The following MAPK8 variants were observed in gnomAD, a reference collection of about 807,000 sequenced individuals.
MAPK8 encodes JUN N-terminal kinase.
In MAPK8, 13 loss-of-function variants were observed where a neutral mutation model predicts 52.9. The ratio of observed to expected loss-of-function variants is 0.25; its 90% CI spans 0.16 to 0.39. The LOEUF (loss-of-function observed/expected upper bound fraction) is 0.39. Among genes scored for constraint, MAPK8 ranks in the 10% least tolerant of loss-of-function variants. MAPK8 has a pLI of 1.00. For synonymous variants in MAPK8, 191 were observed against 169.8 expected (o/e 1.12, Z -0.97); for missense variants, 300 against 519.2 (o/e 0.58, Z 4.10).
intron 6 of MAPK8, among the ~76,000 whole-genome samples, chr10:48,422,060 TCTCA>T (rs1302735307): frequency 6.8e-6 from 1 of 147,486 alleles, no homozygotes; most frequent in Non-Finnish European, 1.5e-5. Flanking sequence ...TGAGATGGAG[TCTCA>T]CTCTGTTGCC....
At chr10:48,426,282 A>T in intron 8 of MAPK8, 98 bp from the exon 9 acceptor site, 2 of 1,087,142 alleles carry the variant, frequency 1.8e-6, no homozygotes, top group Non-Finnish European at 2.6e-6. Flanking sequence ...TAATATTTTT[A>T]AAACATATGC....
chr10:48,403,087 A>G (rs761628971), intron 2 of MAPK8, among the ~76,000 whole-genome samples: 11 of 152,158 alleles, frequency 7.2e-5, no homozygotes, highest in Non-Finnish European at 1.5e-4. Context: ...ATAAATACCA[A>G]ACTTAGGATG....
intron 1 of MAPK8, among the ~76,000 whole-genome samples, chr10:48,366,786 T>C (rs1011942559): frequency 1.3e-5 from 2 of 152,180 alleles, no homozygotes; most frequent in Non-Finnish European, 2.9e-5. Context: ...TTGAAAAATT[T>C]TTTTTCTTTT....
chr10:48,415,524 C>T (rs1169871900), intron 5 of MAPK8, among the ~76,000 whole-genome samples: 1 of 152,206 alleles, frequency 6.6e-6, no homozygotes. Flanking sequence ...TTTGGCAGCA[C>T]ACAAGGCTCA....
intron 5 of MAPK8, among the ~76,000 whole-genome samples, chr10:48,418,564 C>T (rs2043186415): frequency 6.6e-6 from 1 of 152,152 alleles, no homozygotes; most frequent in South Asian, 2.1e-4. Flanking sequence ...CTCTTCTTTA[C>T]TTCCACTCAC....
chr10:48,396,378 A>G (rs1389527187), intron 1 of MAPK8, among the ~76,000 whole-genome samples: 1 of 152,206 alleles, frequency 6.6e-6, no homozygotes, highest in Non-Finnish European at 1.5e-5. Context: ...GGAAAATGCA[A>G]ATTTAAAGCC....
At chr10:48,336,076 C>T (rs1844653463) in intron 1 of MAPK8, among the ~76,000 whole-genome samples, 1 of 152,018 alleles carries the variant, frequency 6.6e-6, no homozygotes. Flanking sequence ...AAAACTCCAT[C>T]TGTATCAGGT....
At chr10:48,320,027 C>T (rs1181298878) in intron 1 of MAPK8, among the ~76,000 whole-genome samples, 2 of 151,688 alleles carry the variant, frequency 1.3e-5, no homozygotes, top group African/African-American at 4.8e-5. Flanking sequence ...AGTGATTCTC[C>T]TACCTCAGCC....
chr10:48,406,762 G>A (rs1237929864), intron 3 of MAPK8, among the ~76,000 whole-genome samples: 1 of 152,120 alleles, frequency 6.6e-6, no homozygotes, highest in African/African-American at 2.4e-5. Context: ...TTCATAGATG[G>A]TCTTGAGTTT....
At chr10:48,329,021 G>A (rs1287220099) in intron 1 of MAPK8, among the ~76,000 whole-genome samples, 3 of 152,126 alleles carry the variant, frequency 2.0e-5, no homozygotes, top group Non-Finnish European at 4.4e-5. Context: ...AATATTATGT[G>A]CCAACACTTA....
At chr10:48,368,817 TG>T (rs749438190) in intron 1 of MAPK8, among the ~76,000 whole-genome samples, 56 of 152,296 alleles carry the variant, frequency 3.7e-4, no homozygotes, top group Non-Finnish European at 5.6e-4. Context: ...GAACCAGACA[TG>T]GTTCAGTATC....
At chr10:48,376,053 G>A (rs2040641825) in intron 1 of MAPK8, among the ~76,000 whole-genome samples, 1 of 152,046 alleles carries the variant, frequency 6.6e-6, no homozygotes, top group African/African-American at 2.4e-5. Flanking sequence ...ATAGACCAAT[G>A]GAACAGAACA....
chr10:48,388,167 A>G (rs1487460812), intron 1 of MAPK8, among the ~76,000 whole-genome samples: 1 of 152,166 alleles, frequency 6.6e-6, no homozygotes, highest in Non-Finnish European at 1.5e-5. Context: ...TTTTGTTTTA[A>G]TAATAAACTC....
In MAPK8 at chr10:48,438,406, A is replaced by G. The variant is rs1264586852; in HGVS notation, c.*3377A>G. 2 of 152,258 alleles carry G rather than the reference A, an allele frequency of 1.3e-5. No homozygotes were observed. Among genetic ancestry groups the G allele is most frequent in the African/African-American group, 4.8e-5 (2 of 41,474 alleles). 9.4% of individuals were successfully genotyped at this position (152,258 alleles called of 1,614,324 possible). A position where few individuals can be genotyped will look rare whatever the true frequency, so the allele number is the denominator to read the frequency against. ...GAAGCAGAAATGTATAGTTTGGGGT[A>G]CGATTAGAAAACTCGTAAGGAAAAC... On this transcript the variant is annotated 3_prime_UTR_variant, in exon 12 of 12. Coordinates refer to ENST00000374189, the MANE Select transcript of MAPK8 (RefSeq NM_001323329.2).
intron 1 of MAPK8, among the ~76,000 whole-genome samples, chr10:48,399,084 A>T (rs1414539255): frequency 2.6e-5 from 4 of 152,136 alleles, no homozygotes; most frequent in African/African-American, 4.8e-5. Context: ...GATCTTGCTT[A>T]AACGTCATGT....
chr10:48,436,000 T>C lies in MAPK8; in HGVS notation c.*971T>C, dbSNP rs2044823779. On this transcript the variant is annotated 3_prime_UTR_variant, in exon 12 of 12. Transcript: ENST00000374189. Reference sequence around the variant, plus strand: ...TTCGGGTCCTTGGACCTTTCCTGTTTCCTATTACTTGGAGTGTCTGTCAGT... The same window carrying C: ...TTCGGGTCCTTGGACCTTTCCTGTTCCCTATTACTTGGAGTGTCTGTCAGT... 1 of 152,230 alleles carries C rather than the reference T, an allele frequency of 6.6e-6. No homozygotes were observed. The highest frequency in any genetic ancestry group is 6.5e-5 in the Admixed American group (1 of 15,280). The allele number at this position is 152,230 out of a possible 1,614,324, so 9.4% of individuals were successfully genotyped here. A position where few individuals can be genotyped will look rare whatever the true frequency, so the allele number is the denominator to read the frequency against.
At chr10:48,347,880 T>G (rs1243802155) in intron 1 of MAPK8, among the ~76,000 whole-genome samples, 5 of 152,214 alleles carry the variant, frequency 3.3e-5, no homozygotes, top group Non-Finnish European at 7.3e-5. Context: ...GGCTTTATAG[T>G]AGAATGATTT....
chr10:48,371,805 T>C (rs1319430705), intron 1 of MAPK8, among the ~76,000 whole-genome samples: 1 of 152,124 alleles, frequency 6.6e-6, no homozygotes, highest in Non-Finnish European at 1.5e-5. Flanking sequence ...TAGCTATAAA[T>C]TGGGGTTCCC....
At chr10:48,400,403 T>A (rs1372831706) in intron 1 of MAPK8, among the ~76,000 whole-genome samples, 1 of 152,238 alleles carries the variant, frequency 6.6e-6, no homozygotes, top group African/African-American at 2.4e-5. Context: ...TTAACTCCTT[T>A]AGGCCTAAGA....
Sources: gnomAD v4.1 joint callset for allele counts (sites outside exome capture counted in the v4.1 genomes callset) on GRCh38, gnomAD v4.1.1 for gene constraint, MANE v1.5 for transcripts, NCBI Gene and HGNC (gene_info 2026-07-23, HGNC 2026-07-21) for gene names.